KIAA1217: variants seen among roughly 807,000 people sequenced by gnomAD.
KIAA1217 encodes sickle tail protein homolog.
Under a neutral mutation model 163.9 loss-of-function variants are expected in KIAA1217, and 88 were observed. That is an observed-to-expected ratio of 0.54 (90% CI 0.45 to 0.64). The LOEUF is 0.64. KIAA1217 is among the 30% of genes least tolerant of loss of function. The pLI, the probability that KIAA1217 is intolerant of heterozygous loss-of-function variation, is 0.00. For missense variants in KIAA1217, 2,372 were observed against 2,475.0 expected, an observed-to-expected ratio of 0.96 and a Z score of 0.88; for synonymous variants, 903 against 923.1, an observed-to-expected ratio of 0.98 and a Z score of 0.39.
intron 5 of KIAA1217, 32 bp from the exon 6 acceptor site, chr10:24,473,196 G>T: frequency 6.9e-7 from 1 of 1,453,770 alleles, no homozygotes. Flanking sequence ...GAATATCAAA[G>T]TCAACTTTCT....
Position 24,065,759 on chromosome 10 carries a change from A to T in KIAA1217, c.-171+58385A>T, listed in dbSNP as rs2060917068. Among the ~76,000 whole-genome samples the T allele has an allele frequency of 2.6e-5, 4 of 152,068 alleles. No homozygotes were observed. The South Asian group carries it at 8.3e-4, about 32-fold the overall frequency. ...CAGTAGGGTGTTAAAGTCTCCCATTATTATTGTGTGGGAGTCTAAGTCTCT... is the reference window on the plus strand; with the variant it reads ...CAGTAGGGTGTTAAAGTCTCCCATTTTTATTGTGTGGGAGTCTAAGTCTCT... On this transcript the variant is annotated intron_variant, in intron 2 of 18. Coordinates refer to the KIAA1217 transcript ENST00000376462.
At chr10:24,280,533 C>T (rs770492025) in intron 2 of KIAA1217, among the ~76,000 whole-genome samples, 5 of 152,014 alleles carry the variant, frequency 3.3e-5, no homozygotes, top group South Asian at 2.1e-4. Flanking sequence ...TAAACCTGGC[C>T]GGGCGTGGTG....
intron 1 of KIAA1217, among the ~76,000 whole-genome samples, chr10:23,884,327 A>G (rs964025954): frequency 2.6e-5 from 4 of 152,086 alleles, no homozygotes; most frequent in Admixed American, 2.6e-4. Context: ...GTAACATCCC[A>G]TTGTTGCTTT....
intron 2 of KIAA1217, among the ~76,000 whole-genome samples, chr10:24,250,621 T>TTTTG (rs1434959136): frequency 0.25 from 12,578 of 50,412 alleles, 3,117 homozygotes; most frequent in Middle Eastern, 0.31. Flanking sequence ...TTTGTATTGT[T>TTTTG]AATAGAGACG....
intron 2 of KIAA1217, among the ~76,000 whole-genome samples, chr10:24,196,665 T>A (rs140748332): frequency 1.3e-5 from 2 of 152,218 alleles, no homozygotes; most frequent in Admixed American, 1.3e-4. Context: ...TTCCTGCTGG[T>A]GACAGTTGCG....
chr10:24,273,393 A>G (rs1459326233), intron 2 of KIAA1217, among the ~76,000 whole-genome samples: 1 of 152,168 alleles, frequency 6.6e-6, no homozygotes, highest in East Asian at 1.9e-4. Flanking sequence ...GAAGTTAAAC[A>G]TACCCTTGCT....
intron 2 of KIAA1217, among the ~76,000 whole-genome samples, chr10:24,172,814 A>G (rs1259205251): frequency 6.6e-6 from 1 of 152,092 alleles, no homozygotes; most frequent in African/African-American, 2.4e-5. Flanking sequence ...TCTGCTTTTC[A>G]CTTCTGTTTT....
intron 2 of KIAA1217, among the ~76,000 whole-genome samples, chr10:24,100,951 C>G (rs1229289165): frequency 6.6e-6 from 1 of 152,162 alleles, no homozygotes; most frequent in Non-Finnish European, 1.5e-5. Flanking sequence ...GCCCAAGGAA[C>G]CTGGGATAAA....
intron 6 of KIAA1217, among the ~76,000 whole-genome samples, chr10:24,480,271 G>C (rs1045458139): frequency 2.0e-5 from 3 of 152,332 alleles, no homozygotes; most frequent in African/African-American, 7.2e-5. Context: ...CCATGTTCAA[G>C]CAATGTAAAT....
chr10:23,919,831 G>A (rs935922071), intron 1 of KIAA1217, among the ~76,000 whole-genome samples: 1 of 152,010 alleles, frequency 6.6e-6, no homozygotes, highest in Non-Finnish European at 1.5e-5. Context: ...CAACTAGAAC[G>A]ACTGCAAAAT....
rs201865962 is a variant in KIAA1217 at position 24,341,366 on chromosome 10, CTT to C, written c.355-39501_355-39500del. On this transcript the variant is annotated intron_variant, in intron 2 of 20. Transcript: ENST00000376454. ...GGAAGATTGTCAAGCCAAGATGATT[CTT>C]TCTCTTCCGGTCCTAAAAAAAAAAA... Among the ~76,000 whole-genome samples the C allele has an allele frequency of 8.6e-4, 130 of 151,440 alleles. 2 individuals carry two copies. The East Asian group carries it at 0.022, about 26-fold the overall frequency.
chr10:23,940,091 A>G (rs979435248), intron 1 of KIAA1217, among the ~76,000 whole-genome samples: 1 of 152,086 alleles, frequency 6.6e-6, no homozygotes, highest in Non-Finnish European at 1.5e-5. Context: ...AGGATGTAAC[A>G]ATCCACGTGT....
At chr10:24,068,164 C>T (rs1000441615) in intron 2 of KIAA1217, among the ~76,000 whole-genome samples, 9 of 152,154 alleles carry the variant, frequency 5.9e-5, no homozygotes, top group East Asian at 1.9e-4. Flanking sequence ...ACCCACTGTC[C>T]GGCACTCCCC....
intron 2 of KIAA1217, among the ~76,000 whole-genome samples, chr10:24,319,242 G>A (rs1407934191): frequency 6.6e-6 from 1 of 152,084 alleles, no homozygotes; most frequent in Non-Finnish European, 1.5e-5. Context: ...GCTAGGTGTG[G>A]TGGTGCATGT....
At chr10:23,756,632 T>C (rs1833936173) in intron 1 of KIAA1217, among the ~76,000 whole-genome samples, 1 of 152,226 alleles carries the variant, frequency 6.6e-6, no homozygotes, top group Non-Finnish European at 1.5e-5. Context: ...TATTAAATCT[T>C]AGGTTGTTTG....
chr10:24,298,643 C>T lies in KIAA1217; in HGVS notation c.354+78734C>T, dbSNP rs942238249. On this transcript the variant is annotated intron_variant, in intron 2 of 20. Coordinates refer to ENST00000376454, the MANE Select transcript of KIAA1217 (RefSeq NM_019590.5). Reference sequence around the variant, plus strand: ...CAAAACCTCTTCTCTACTAAATATACAAAAATTAGCCGGGCATGGTAGTAC... The same window carrying T: ...CAAAACCTCTTCTCTACTAAATATATAAAAATTAGCCGGGCATGGTAGTAC... Among the ~76,000 whole-genome samples the T allele has an allele frequency of 1.3e-4, 19 of 151,988 alleles. 1 individual carries two copies. Among genetic ancestry groups the T allele is most frequent in the Admixed American group, 9.8e-4 (15 of 15,254 alleles).
rs192071061 is a variant in KIAA1217, at chr10:23,930,277, A to G, written c.-320-76948A>G. Among the ~76,000 whole-genome samples the G allele has an allele frequency of 2.3e-4, 35 of 152,308 alleles. No individual in the cohort carries two copies. In the East Asian group the frequency reaches 4.1e-3, roughly 18 times the overall value. ...ATTGATTTATTTATGTTTCTGAAATAAGGGATTTAAAAAATCAACCCCAGG... is the reference window on the plus strand; with the variant it reads ...ATTGATTTATTTATGTTTCTGAAATGAGGGATTTAAAAAATCAACCCCAGG... On this transcript the variant is annotated intron_variant, in intron 1 of 18. Transcript: ENST00000376462.
At chr10:24,166,255 G>C (rs1221444021) in intron 2 of KIAA1217, among the ~76,000 whole-genome samples, 1 of 151,942 alleles carries the variant, frequency 6.6e-6, no homozygotes, top group Non-Finnish European at 1.5e-5. Context: ...TTCTGAGTGG[G>C]CGTACAACCT....
intron 14 of KIAA1217, among the ~76,000 whole-genome samples, chr10:24,531,365 A>T (rs1368215678): frequency 6.6e-6 from 1 of 151,998 alleles, no homozygotes; most frequent in Admixed American, 6.5e-5. Flanking sequence ...TCTTGCTGAT[A>T]CTGTTTTTTC....
Sources: allele counts gnomAD v4.1 joint callset (sites outside exome capture counted in the v4.1 genomes callset), GRCh38; gene constraint gnomAD v4.1.1; transcripts MANE v1.5; gene names NCBI Gene and HGNC (gene_info 2026-07-23, HGNC 2026-07-21).